MUC12: variants seen among roughly 807,000 people sequenced by gnomAD.
MUC12 encodes mucin-12.
In MUC12, 172 loss-of-function variants were observed where a neutral mutation model predicts 230.8. That is an observed-to-expected ratio of 0.75 (90% confidence interval 0.66 to 0.85). The LOEUF (loss-of-function observed/expected upper bound fraction) is 0.85. Ranked by LOEUF, MUC12 falls within the 40% of genes least tolerant of loss-of-function variation. The probability of loss-of-function intolerance (pLI) is 0.00; values close to 1 mark genes in which losing one functional copy is unlikely to be tolerated. For synonymous variants in MUC12, 1,259 were observed against 2,401.9 expected, an observed-to-expected ratio of 0.52 and a Z score of 13.91; for missense variants, 3,506 against 5,920.6, an observed-to-expected ratio of 0.59 and a Z score of 13.38.
At chr7:100,978,250 G>A (rs1002321325) in intron 1 of MUC12, among the ~76,000 whole-genome samples, 3 of 152,194 alleles carry the variant, frequency 2.0e-5, no homozygotes, top group Non-Finnish European at 4.4e-5. Flanking sequence ...ATTGGTGTGT[G>A]CAGGGGTTGG....
At position 100,991,944 on chromosome 7, in the gene MUC12, C is replaced by T. The variant is rs1345474582; in HGVS notation, c.1381C>T (p.Leu461Phe). 5 of 1,537,806 alleles carry T rather than the reference C, an allele frequency of 3.3e-6. No homozygotes were observed. The highest frequency in any genetic ancestry group is 2.0e-5 in the Admixed American group (1 of 50,980). ...VLPAGSTPSV[L>F]VGDSTPSPIS... ...ACCTGCCGGCTCTACACCCTCAGTT[C>T]TTGTTGGAGACTCGACGCCCTCACC... The change falls in exon 2 of 12, where the codon CTT (leucine) becomes TTT (phenylalanine). Residue 461 changes from leucine (L) to phenylalanine (F), a missense_variant. Transcript: ENST00000536621.
At chr7:101,016,350 A>G (rs962159170) in intron 10 of MUC12, among the ~76,000 whole-genome samples, 1 of 152,048 alleles carries the variant, frequency 6.6e-6, no homozygotes, top group Non-Finnish European at 1.5e-5. Context: ...TCTGTCACCC[A>G]GGCTGGAGTA....
chr7:101,013,286 A>T, intron 8 of MUC12, 144 bp downstream of exon 8: 2 of 863,024 alleles, frequency 2.3e-6, no homozygotes, highest in Non-Finnish European at 3.5e-6. Flanking sequence ...CTCCCCTGTA[A>T]TCTCATTCCC....
chr7:100,969,573 G>A lies in MUC12; in HGVS notation c.-50G>A, dbSNP rs899906839. 5.2e-6 allele frequency: 8 copies of A among 1,537,300 alleles called. No homozygotes were observed. The highest frequency in any genetic ancestry group is 4.9e-5 in the East Asian group (2 of 40,930). ...CTTCCTGGGAGGCCTTCATTTCTTG[G>A]TCCCTCCTGATGAGAGAAGATGGGC... On this transcript the variant is annotated 5_prime_UTR_variant, in exon 1 of 12. Transcript: ENST00000536621.
In MUC12 at chr7:100,995,638, G is replaced by A. The variant is rs1179212166; in HGVS notation, c.5075G>A (p.Trp1692Ter). 25 of 1,536,920 alleles carry A rather than the reference G, an allele frequency of 1.6e-5. No homozygotes were observed. Among genetic ancestry groups the A allele is most frequent in the Middle Eastern group, 3.3e-4 (2 of 6,012 alleles). The change falls in exon 2 of 12, where the codon TGG becomes TAG. Residue 1692 changes from tryptophan to a stop codon, truncating the protein, a stop_gained. Transcript: ENST00000536621. LOFTEE classifies it high-confidence loss of function. ...RQGESTTFQS[W>*]PSSKDTMPAP... ...GGAGAATCTACCACCTTCCAGAGCTGGCCAAGCTCAAAGGACACTATGCCT... is the reference window on the plus strand; with the variant it reads ...GGAGAATCTACCACCTTCCAGAGCTAGCCAAGCTCAAAGGACACTATGCCT...
rs1245306763 is a variant in MUC12, at chr7:101,004,386, G to T, written c.13823G>T (p.Ser4608Ile). 60 of 1,485,660 alleles carry T rather than the reference G, an allele frequency of 4.0e-5. No individual in the cohort carries two copies. The highest frequency in any genetic ancestry group is 5.1e-5 in the Non-Finnish European group (57 of 1,123,492). The allele number at this position is 1,485,660 out of a possible 1,614,324, so 92.0% of individuals were successfully genotyped here. A position where few individuals can be genotyped will look rare whatever the true frequency, so the allele number is the denominator to read the frequency against. Reference sequence around the variant, plus strand: ...GAAGAATCTACGGCGTACCACAGCAGCCCGGGCTCAACTCAAACAATGCAC... The same window carrying T: ...GAAGAATCTACGGCGTACCACAGCATCCCGGGCTCAACTCAAACAATGCAC... ...LVEESTAYHS[S>I]PGSTQTMHFP... The change falls in exon 2 of 12, where the codon AGC becomes ATC. Residue 4608 changes from serine (S) to isoleucine (I), a missense_variant. By Grantham distance (142) the Ser-to-Ile change is moderately radical. Transcript: ENST00000536621.
In MUC12 at chr7:100,991,924, C is replaced by A. The variant is rs4729631; in HGVS notation, c.1361C>A (p.Ala454Asp). 6.5e-7 allele frequency: 1 copy of A among 1,536,492 alleles called. No homozygotes were observed. The highest frequency in any genetic ancestry group is 2.0e-5 in the Admixed American group (1 of 50,598). Reference sequence around the variant, plus strand: ...GCAATGGCAACAACAGTCTTACCTGCCGGCTCTACACCCTCAGTTCTTGTT... The same window carrying A: ...GCAATGGCAACAACAGTCTTACCTGACGGCTCTACACCCTCAGTTCTTGTT... Reference protein sequence around the residue: ...PDAMATTVLPAGSTPSVLVGD... With the variant: ...PDAMATTVLPDGSTPSVLVGD... Residue 454 changes from alanine to aspartate, a missense_variant, in exon 2 of 12, where the codon GCC becomes GAC. Ala to Asp is a moderately radical substitution (Grantham distance 126, BLOSUM62 -2). Transcript: ENST00000536621.
At position 101,005,023 on chromosome 7, in the gene MUC12, A is replaced by G. The variant is rs1050970559; in HGVS notation, c.14460A>G (p.Gln4820=). 3 of 1,537,618 alleles carry G rather than the reference A, an allele frequency of 2.0e-6. No homozygotes were observed. The highest frequency in any genetic ancestry group is 2.7e-5 in the African/African-American group (2 of 73,046). Residue 4820 remains glutamine (Q), a synonymous_variant, in exon 2 of 12, where the codon CAA becomes CAG. Transcript: ENST00000536621. ...GCATCACAACTTCATCTTTTGCTCA[A>G]GAATTTACCACCCCTCATAGCCAAC... is the stretch of plus-strand genomic sequence containing the variant. The part of the protein sequence containing the change: ...PGSITTSSFA[Q]EFTTPHSQPG...
chr7:100,990,270 C>T (rs1793259636), intron 1 of MUC12, among the ~76,000 whole-genome samples: 1 of 152,212 alleles, frequency 6.6e-6, no homozygotes, highest in African/African-American at 2.4e-5. Context: ...GTGAACTGTG[C>T]ATGCAAGGGA....
chr7:101,018,573 C>CTT (rs1194973596), intron 11 of MUC12, 22 bp from the exon 12 acceptor site: 1 of 1,536,036 alleles, frequency 6.5e-7, no homozygotes, highest in East Asian at 2.5e-5. Flanking sequence ...CTTGGCCTCA[C>CTT]CTCTTCTCTC....
At chr7:100,986,667 G>A (rs1279795148) in intron 1 of MUC12, among the ~76,000 whole-genome samples, 5 of 152,156 alleles carry the variant, frequency 3.3e-5, no homozygotes, top group Admixed American at 6.5e-5. Flanking sequence ...TAAAACTGGG[G>A]CCATCTGGGA....
chr7:101,015,172 A>G (rs1793896579), intron 9 of MUC12: 1 of 174,812 alleles, frequency 5.7e-6, no homozygotes, highest in Admixed American at 5.4e-5. Flanking sequence ...ATGTAATGAC[A>G]TTCCCTGTAG....
rs1451957671 is a variant in MUC12 at position 101,005,446 on chromosome 7, T to C, written c.14883T>C (p.Ser4961=). ...SSSTSGLTEE[S]TTFHTSPSFT... is the part of the protein sequence containing the mutation. ...GCACATCAGGCCTCACTGAGGAATC[T>C]ACCACCTTCCACACCAGTCCAAGCT... Residue 4961 remains serine (S), a synonymous_variant, in exon 2 of 12, where the codon TCT becomes TCC. Transcript: ENST00000536621. 7.2e-6 allele frequency: 11 copies of C among 1,537,806 alleles called. No individual in the cohort carries two copies. The highest frequency in any genetic ancestry group is 8.7e-6 in the Non-Finnish European group (10 of 1,147,046).
chr7:100,992,941 G>C lies in MUC12; in HGVS notation c.2378G>C (p.Gly793Ala). ...PARSTTSVLL[G>A]ESTTSPISSG... The stretch of plus-strand genomic sequence containing the variant: ...CGCTCCACAACCTCAGTTCTTCTTG[G>C]AGAATCTACGACCTCACCCATCAGT... The change falls in exon 2 of 12, where the codon GGA (glycine) becomes GCA (alanine). Residue 793 changes from glycine to alanine, a missense_variant. Transcript: ENST00000536621. The C allele has an allele frequency of 3.9e-6, 6 of 1,537,242 alleles. No individual in the cohort carries two copies. The highest frequency in any genetic ancestry group is 4.4e-6 in the Non-Finnish European group (5 of 1,146,910).
At chr7:100,989,096 C>CTTTTTTTTTTTTT (rs201150884) in intron 1 of MUC12, among the ~76,000 whole-genome samples, 1 of 134,960 alleles carries the variant, frequency 7.4e-6, no homozygotes. Context: ...TCTTCCTCTT[C>CTTTTTTTTTTTTT]TTCTTTTTTT....
rs202006462 is a variant in MUC12, at chr7:101,012,814, G to A, written c.15404-5G>A. The A allele has an allele frequency of 3.6e-5, 56 of 1,537,054 alleles. No individual in the cohort carries two copies. The highest frequency in any genetic ancestry group is 4.4e-5 in the Non-Finnish European group (51 of 1,146,892). On this transcript the variant is annotated splice_polypyrimidine_tract_variant and splice_region_variant and intron_variant, in intron 6 of 11. Transcript: ENST00000536621. ...TCCATCTTCCTTCCCATCCACTCTC[G>A]GCAGAGGCCATACTGTGCTATAGTG...
At position 101,018,643 on chromosome 7, in the gene MUC12, G is replaced by C. The variant is rs892651512; in HGVS notation, c.*7G>C. 5 of 1,535,258 alleles carry C rather than the reference G, an allele frequency of 3.3e-6. No individual in the cohort carries two copies. Among genetic ancestry groups the C allele is most frequent in the South Asian group, 2.4e-5 (2 of 83,852 alleles). ...GGTAGCATCCACTGTGTGAGCCAACGGGGGCCTCCCACCCTCATCTAGCTC... is the reference window on the plus strand; with the variant it reads ...GGTAGCATCCACTGTGTGAGCCAACCGGGGCCTCCCACCCTCATCTAGCTC... On this transcript the variant is annotated 3_prime_UTR_variant, in exon 12 of 12. Coordinates refer to ENST00000536621, the MANE Select transcript of MUC12 (RefSeq NM_001164462.2).
At chr7:101,010,426 TC>T in intron 5 of MUC12, among the ~76,000 whole-genome samples, 1 of 152,014 alleles carries the variant, frequency 6.6e-6, no homozygotes, top group Non-Finnish European at 1.5e-5. Context: ...AGGCTCAACC[TC>T]TCGGGTTCAA....
chr7:101,005,694 C>G (rs1793736429), intron 2 of MUC12, among the ~76,000 whole-genome samples, 175 bp downstream of exon 2: 1 of 152,212 alleles, frequency 6.6e-6, no homozygotes, highest in Admixed American at 6.5e-5. Context: ...GTGCCGTTCA[C>G]TGGTCCCCAC....
Sources: gnomAD v4.1 joint callset for allele counts (sites outside exome capture counted in the v4.1 genomes callset) on GRCh38, gnomAD v4.1.1 for gene constraint, MANE v1.5 for transcripts, NCBI Gene and HGNC (gene_info 2026-07-23, HGNC 2026-07-21) for gene names.